Variants in TMEM272 observed in about 807,000 individuals in gnomAD.
TMEM272 encodes the protein long intergenic non-protein coding RNA 282.
In TMEM272, 8 loss-of-function variants were observed where a neutral mutation model predicts 3.7. The ratio of observed to expected loss-of-function variants is 2.17; its 90% CI spans 1.27 to 3.91. TMEM272 has a LOEUF of 3.91. Ranked by LOEUF, TMEM272 falls within the 30% of genes most tolerant of loss-of-function variation. TMEM272 has a pLI of 0.00. For missense variants in TMEM272, 166 were observed against 91.5 expected (o/e 1.81, Z -3.32); for synonymous variants, 63 against 39.8 (o/e 1.58, Z -2.20).
rs1428558091 is a variant in TMEM272, at chr13:51,842,681, T to A, written c.-24+2335A>T. Among the ~76,000 whole-genome samples, 4 of 152,224 alleles carry A rather than the reference T, an allele frequency of 2.6e-5. No individual in the cohort carries two copies. In the East Asian group the frequency reaches 7.7e-4, roughly 29 times the overall value. ...TGCATATGTGCATGTACACACATTT[T>A]ACATGGTTGCAATAATCAGGCACAT... On this transcript the variant is annotated intron_variant, in intron 1 of 4. Transcript: ENST00000629372.
the TMEM272 span, among the ~76,000 whole-genome samples, chr13:51,924,263 A>AC: frequency 9.9e-5 from 15 of 151,216 alleles, no homozygotes; most frequent in Non-Finnish European, 2.1e-4. Context: ...CCAAAAAAAC[A>AC]CCCCCTCAGG....
the TMEM272 span, among the ~76,000 whole-genome samples, chr13:51,911,710 G>T: frequency 2.0e-5 from 3 of 152,140 alleles, no homozygotes; most frequent in Non-Finnish European, 4.4e-5. Context: ...TGCTCTAAGC[G>T]TGGGCCCACG....
At chr13:51,908,048 C>G in the TMEM272 span, among the ~76,000 whole-genome samples, 1 of 152,152 alleles carries the variant, frequency 6.6e-6, no homozygotes, top group South Asian at 2.1e-4. Flanking sequence ...ATAATTTACT[C>G]ATAAGATTCC....
At chr13:51,917,378 A>C in the TMEM272 span, among the ~76,000 whole-genome samples, 1 of 152,192 alleles carries the variant, frequency 6.6e-6, no homozygotes, top group African/African-American at 2.4e-5. Flanking sequence ...ACAGAAGGAA[A>C]GAGGGAGAGA....
the TMEM272 span, among the ~76,000 whole-genome samples, chr13:51,871,866 T>G: frequency 6.9e-6 from 1 of 144,054 alleles, no homozygotes; most frequent in Admixed American, 6.9e-5. Context: ...CCAGAGGCTT[T>G]CCAGCCTTCC....
At chr13:51,871,435 T>C in the TMEM272 span, among the ~76,000 whole-genome samples, 2 of 152,252 alleles carry the variant, frequency 1.3e-5, no homozygotes, top group East Asian at 3.9e-4. Flanking sequence ...GGCTAGATCA[T>C]AAAAGACACT....
the TMEM272 span, among the ~76,000 whole-genome samples, chr13:51,930,962 T>G: frequency 6.6e-6 from 1 of 152,188 alleles, no homozygotes; most frequent in African/African-American, 2.4e-5. Context: ...GATGTCATTT[T>G]TGAAAAAAAA....
chr13:51,821,691 AAAAAAAAAAAAG>A (rs1956080787), intron 4 of TMEM272, among the ~76,000 whole-genome samples: 1 of 6,928 alleles, frequency 1.4e-4, no homozygotes. Flanking sequence ...AAAAAAAGCA[AAAAAAAAAAAAG>A]CAGCAGCAGC....
chr13:51,865,933 G>C, the TMEM272 span: 1 of 1,614,050 alleles, frequency 6.2e-7, no homozygotes, highest in Non-Finnish European at 8.5e-7. Flanking sequence ...CGTCCCTCTG[G>C]GAGGAAGAGA....
At chr13:51,910,612 G>A in the TMEM272 span, 1 of 597,204 alleles carries the variant, frequency 1.7e-6, no homozygotes, top group Non-Finnish European at 3.2e-6. Context: ...GTAGCCCTAG[G>A]CTCCTCCATA....
At chr13:51,922,067 T>C in the TMEM272 span, among the ~76,000 whole-genome samples, 4 of 152,230 alleles carry the variant, frequency 2.6e-5, no homozygotes, top group African/African-American at 9.6e-5. Context: ...CACACCTCTC[T>C]GCAGGCAGCC....
upstream of TMEM272, among the ~76,000 whole-genome samples, chr13:51,848,894 A>C (rs1956318881): frequency 6.6e-6 from 1 of 152,046 alleles, no homozygotes; most frequent in Non-Finnish European, 1.5e-5. Flanking sequence ...AAACATCCTA[A>C]TTCTTTTCAT....
At position 51,816,804 on chromosome 13, in the gene TMEM272, T is replaced by C. The variant is rs1171190355; in HGVS notation, c.511A>G (p.Ser171Gly). The C allele has an allele frequency of 1.4e-6, 1 of 702,832 alleles. No homozygotes were observed. The highest frequency in any genetic ancestry group is 2.6e-6 in the Non-Finnish European group (1 of 384,984). 43.5% of individuals were successfully genotyped at this position (702,832 alleles called of 1,614,324 possible). Residue 171 changes from serine (S) to glycine (G), a missense_variant, in exon 5 of 5, where the codon AGC becomes GGC. Physicochemically the swap from Ser to Gly is moderately conservative, Grantham distance 56. Coordinates refer to ENST00000629372, the MANE Select transcript of TMEM272 (RefSeq NM_001351003.2). ...HTVLVLLLLCSGCVYLCSRWR... is the reference protein window; with the variant it reads ...HTVLVLLLLCGGCVYLCSRWR... ...CTGGAGCACAGGTAGACACAGCCGC[T>C]GCACAGCAGGAGCAAGACCAGCACA...
chr13:51,865,485 T>C, the TMEM272 span: 4 of 1,614,082 alleles, frequency 2.5e-6, no homozygotes, highest in East Asian at 2.2e-5. Context: ...TCTCCCAGTA[T>C]TCGCCAGAAG....
chr13:51,908,574 A>T, the TMEM272 span: 1 of 1,510,242 alleles, frequency 6.6e-7, no homozygotes, highest in Non-Finnish European at 9.2e-7. Context: ...AGGGCCACTC[A>T]CTTCATTTCC....
chr13:51,835,633 A>C (rs1477907116), intron 2 of TMEM272, among the ~76,000 whole-genome samples: 2 of 152,256 alleles, frequency 1.3e-5, no homozygotes, highest in African/African-American at 4.8e-5. Context: ...AAAACACTAC[A>C]GTATATGCAT....
the TMEM272 span, among the ~76,000 whole-genome samples, chr13:51,879,988 A>G: frequency 6.6e-6 from 1 of 152,228 alleles, no homozygotes; most frequent in South Asian, 2.1e-4. Context: ...AAAAAGAGTC[A>G]GATGCTCCAA....
At chr13:51,872,841 T>C in the TMEM272 span, among the ~76,000 whole-genome samples, 2 of 152,254 alleles carry the variant, frequency 1.3e-5, no homozygotes, top group African/African-American at 4.8e-5. Context: ...AACTCCAAGT[T>C]TTATTCTTAG....
upstream of TMEM272, among the ~76,000 whole-genome samples, chr13:51,846,445 AAAAGT>A (rs1261120807): frequency 2.6e-5 from 4 of 152,388 alleles, no homozygotes; most frequent in Middle Eastern, 3.4e-3. Flanking sequence ...CCAATCACAT[AAAAGT>A]AAAGTACATA....
Sources: allele counts gnomAD v4.1 joint callset (sites outside exome capture counted in the v4.1 genomes callset), GRCh38; gene constraint gnomAD v4.1.1; transcripts MANE v1.5; gene names NCBI Gene and HGNC (gene_info 2026-07-23, HGNC 2026-07-21).